Variants in NXPH4 observed in about 807,000 individuals in gnomAD.
NXPH4 encodes neurexophilin-4.
Under a neutral mutation model 21.3 loss-of-function variants are expected in NXPH4, and 8 were observed. The ratio of observed to expected loss-of-function variants is 0.38; its 90% CI spans 0.22 to 0.68. The LOEUF (loss-of-function observed/expected upper bound fraction) is 0.68, where lower values mean the gene tolerates loss of function less well. NXPH4 is among the 30% of genes least tolerant of loss of function. The pLI is 0.53. For missense variants in NXPH4, 418 were observed against 416.8 expected, an observed-to-expected ratio of 1.00 and a Z score of -0.03; for synonymous variants, 219 against 192.6, an observed-to-expected ratio of 1.14 and a Z score of -1.13.
At chr12:57,221,351 C>T (rs1201668587) in intron 1 of NXPH4, 1 of 455,824 alleles carries the variant, frequency 2.2e-6, no homozygotes, top group African/African-American at 2.0e-5. Context: ...CCTGGGAGCA[C>T]CCTGCCTGAC....
chr12:57,226,039 A>T lies in NXPH4; in HGVS notation c.*292A>T. The T allele has an allele frequency of 1.1e-6, 1 of 889,406 alleles. No homozygotes were observed. Among genetic ancestry groups the T allele is most frequent in the South Asian group, 2.3e-5 (1 of 43,170 alleles). 55.1% of individuals were successfully genotyped at this position (889,406 alleles called of 1,614,324 possible). Reference sequence around the variant, plus strand: ...CGGTCCCAATGTCCCCTGGGTCCACAGTGGGTCCCCTTTTCACCCTTGGCG... The same window carrying T: ...CGGTCCCAATGTCCCCTGGGTCCACTGTGGGTCCCCTTTTCACCCTTGGCG... On this transcript the variant is annotated 3_prime_UTR_variant, in exon 2 of 2. Transcript: ENST00000349394.
intron 1 of NXPH4, among the ~76,000 whole-genome samples, chr12:57,218,592 G>C (rs924848196): frequency 3.3e-5 from 5 of 152,246 alleles, no homozygotes; most frequent in Non-Finnish European, 7.3e-5. Context: ...TGCCCCCTGA[G>C]GGGGAATGAA....
At chr12:57,220,273 C>T (rs2136767980) in intron 1 of NXPH4, among the ~76,000 whole-genome samples, 1 of 152,220 alleles carries the variant, frequency 6.6e-6, no homozygotes, top group Admixed American at 6.5e-5. Flanking sequence ...ACCCCGCCCA[C>T]TCCCCCTCCG....
chr12:57,225,233 T>A lies in NXPH4; in HGVS notation c.413T>A (p.Val138Glu). 1 of 1,561,772 alleles carries A rather than the reference T, an allele frequency of 6.4e-7. No homozygotes were observed. Among genetic ancestry groups the A allele is most frequent in the East Asian group, 2.3e-5 (1 of 44,396 alleles). Residue 138 changes from valine to glutamate, a missense_variant, in exon 2 of 2, where the codon GTG (valine) becomes GAG (glutamate). Transcript: ENST00000349394. ...GACCATGTGAACGGTACCTTCAGTG[T>A]GTATTTCCGCCACAACTCGTCCAGC... ...IVDHVNGTFS[V>E]YFRHNSSSLG...
chr12:57,220,792 C>T (rs995372125), intron 1 of NXPH4, among the ~76,000 whole-genome samples: 1 of 152,156 alleles, frequency 6.6e-6, no homozygotes, highest in African/African-American at 2.4e-5. Context: ...ATTCCAGTCT[C>T]CCTTTGAGTC....
At chr12:57,222,870 A>G (rs1565763447) in intron 1 of NXPH4, among the ~76,000 whole-genome samples, 2 of 152,182 alleles carry the variant, frequency 1.3e-5, no homozygotes, top group East Asian at 1.9e-4. Context: ...AATATGTATG[A>G]CGAGCGGGTG....
intron 1 of NXPH4, among the ~76,000 whole-genome samples, chr12:57,224,060 GGGCTCTGGTCTCTGAGGTCCTGGA>G (rs1295971576): frequency 5.9e-5 from 9 of 152,178 alleles, no homozygotes; most frequent in Admixed American, 2.0e-4. Context: ...GCCCAGGTGG[GGGCTCTGGTCTCTGAGGTCCTGGA>G]GCCTCTTTCT....
intron 1 of NXPH4, among the ~76,000 whole-genome samples, chr12:57,218,414 G>GT (rs1229639176): frequency 1.3e-5 from 2 of 152,162 alleles, no homozygotes. Flanking sequence ...AACTGGAGGA[G>GT]TGGGGGGGGT....
rs755226727 is a variant in NXPH4, at chr12:57,217,040, G to A, written c.57+14G>A. The A allele has an allele frequency of 6.3e-7, 1 of 1,594,474 alleles. No individual in the cohort carries two copies. Among genetic ancestry groups the A allele is most frequent in the African/African-American group, 1.3e-5 (1 of 74,190 alleles). On this transcript the variant is annotated intron_variant, in intron 1 of 1. Coordinates refer to ENST00000349394, the MANE Select transcript of NXPH4 (RefSeq NM_007224.4). ...CTCCTTAGGAAGGTAAGAGTGGCAGGGCTGGGGCGCTAGCGCGGGCGCGGG... is the reference window on the plus strand; with the variant it reads ...CTCCTTAGGAAGGTAAGAGTGGCAGAGCTGGGGCGCTAGCGCGGGCGCGGG...
Position 57,226,038 on chromosome 12 carries a change from C to A in NXPH4, c.*291C>A. 1 of 888,090 alleles carries A rather than the reference C, an allele frequency of 1.1e-6. No individual in the cohort carries two copies. The highest frequency in any genetic ancestry group is 1.6e-6 in the Non-Finnish European group (1 of 621,564). The allele number at this position is 888,090 out of a possible 1,614,324, so 55.0% of individuals were successfully genotyped here. A position where few individuals can be genotyped will look rare whatever the true frequency, so the allele number is the denominator to read the frequency against. On this transcript the variant is annotated 3_prime_UTR_variant, in exon 2 of 2. Coordinates refer to ENST00000349394, the MANE Select transcript of NXPH4 (RefSeq NM_007224.4). ...GCGGTCCCAATGTCCCCTGGGTCCACAGTGGGTCCCCTTTTCACCCTTGGC... is the reference window on the plus strand; with the variant it reads ...GCGGTCCCAATGTCCCCTGGGTCCAAAGTGGGTCCCCTTTTCACCCTTGGC...
At chr12:57,218,896 A>G (rs181731154) in intron 1 of NXPH4, among the ~76,000 whole-genome samples, 70 of 151,678 alleles carry the variant, frequency 4.6e-4, no homozygotes, top group Non-Finnish European at 9.1e-4. Flanking sequence ...GCACATGTAT[A>G]CCCCGGGGTT....
At chr12:57,217,050 C>T (rs1276381855) in intron 1 of NXPH4, 24 bp downstream of exon 1, 1 of 1,580,672 alleles carries the variant, frequency 6.3e-7, no homozygotes, top group African/African-American at 1.4e-5. Flanking sequence ...GGCTGGGGCG[C>T]TAGCGCGGGC....
rs751812766 is a variant in NXPH4 at position 57,225,791 on chromosome 12, C to G, written c.*44C>G. ...CCTGAGCCTCCCGCCAAATCCCAGC[C>G]TCACTAGGTGGGACCCCCTTCCCAG... On this transcript the variant is annotated 3_prime_UTR_variant, in exon 2 of 2. Coordinates refer to ENST00000349394, the MANE Select transcript of NXPH4 (RefSeq NM_007224.4). 1 of 1,579,738 alleles carries G rather than the reference C, an allele frequency of 6.3e-7. No homozygotes were observed. The highest frequency in any genetic ancestry group is 8.6e-7 in the Non-Finnish European group (1 of 1,159,880).
intron 1 of NXPH4, among the ~76,000 whole-genome samples, chr12:57,217,610 A>C (rs2037053098): frequency 6.7e-6 from 1 of 149,746 alleles, no homozygotes; most frequent in African/African-American, 2.5e-5. Context: ...TCACAGACAC[A>C]CCCCCCTCTC....
chr12:57,225,042 G>A lies in NXPH4; in HGVS notation c.222G>A (p.Thr74=). Residue 74 remains threonine (T), a synonymous_variant, in exon 2 of 2, where the codon ACG becomes ACA. Coordinates refer to ENST00000349394, the MANE Select transcript of NXPH4 (RefSeq NM_007224.4). ...GCTGGGCCTGGCCGACCAACCACACGGGGGCGCTGGCCCGGGCAGGGGCAG... is the reference window on the plus strand; with the variant it reads ...GCTGGGCCTGGCCGACCAACCACACAGGGGCGCTGGCCCGGGCAGGGGCAG... The part of the protein sequence containing the change: ...AWSWAWPTNH[T]GALARAGAAG... The A allele has an allele frequency of 1.4e-6, 2 of 1,480,028 alleles. No individual in the cohort carries two copies. The highest frequency in any genetic ancestry group is 2.6e-5 in the South Asian group (2 of 75,788). The allele number at this position is 1,480,028 out of a possible 1,614,324, so 91.7% of individuals were successfully genotyped here.
At position 57,225,190 on chromosome 12, in the gene NXPH4, G is replaced by A. The variant is rs1460374358; in HGVS notation, c.370G>A (p.Val124Met). The A allele has an allele frequency of 6.3e-7, 1 of 1,590,868 alleles. No homozygotes were observed. Among genetic ancestry groups the A allele is most frequent in the East Asian group, 2.3e-5 (1 of 44,406 alleles). Residue 124 changes from valine (V) to methionine (M), a missense_variant, in exon 2 of 2, where the codon GTG (valine) becomes ATG (methionine). Val to Met is a conservative substitution (Grantham distance 21). Transcript: ENST00000349394. ...RVHTLKFSLL[V>M]TGKIVDHVNG... is the part of the protein sequence containing the mutation. ...GCATACCCTCAAGTTTTCGCTGCTG[G>A]TGACCGGCAAGATCGTGGACCATGT...
At position 57,225,333 on chromosome 12, in the gene NXPH4, T is replaced by A. The variant is rs2037131933; in HGVS notation, c.513T>A (p.Pro171=). The A allele has an allele frequency of 6.4e-7, 1 of 1,565,346 alleles. No individual in the cohort carries two copies. The highest frequency in any genetic ancestry group is 8.6e-7 in the Non-Finnish European group (1 of 1,157,882). The change falls in exon 2 of 2, where the codon CCT becomes CCA. Residue 171 remains proline, a synonymous_variant. Transcript: ENST00000349394. ...VEFGGVWLPG[P]VPHPLQSTLA... ...TCGGAGGAGTCTGGCTGCCCGGGCC[T>A]GTCCCCCACCCTCTGCAGTCTACGC...
Position 57,225,521 on chromosome 12 carries a change from A to G in NXPH4, c.701A>G (p.His234Arg), listed in dbSNP as rs1244076003. 6.2e-7 allele frequency: 1 copy of G among 1,612,478 alleles called. No individual in the cohort carries two copies. The highest frequency in any genetic ancestry group is 8.5e-7 in the Non-Finnish European group (1 of 1,179,886). ...GAKESRAFNC[H>R]VEYEKTNRAR... ...AAAGAGTCACGCGCTTTCAATTGCC[A>G]CGTGGAGTATGAGAAGACAAACCGC... Residue 234 changes from histidine (H) to arginine (R), a missense_variant, in exon 2 of 2, where the codon CAC becomes CGC. By Grantham distance (29) the His-to-Arg change is conservative. Transcript: ENST00000349394.
At position 57,225,396 on chromosome 12, in the gene NXPH4, G is replaced by A. The variant is rs1205269715; in HGVS notation, c.576G>A (p.Pro192=). The A allele has an allele frequency of 6.3e-7, 1 of 1,598,868 alleles. No individual in the cohort carries two copies. The highest frequency in any genetic ancestry group is 1.4e-5 in the African/African-American group (1 of 73,980). ...GGGTGCTTCCTGGGCTGGGGCCCCCGCTGGGGATGGCAGCAGCAGCGGCGG... is the reference window on the plus strand; with the variant it reads ...GGGTGCTTCCTGGGCTGGGGCCCCCACTGGGGATGGCAGCAGCAGCGGCGG... ...LEGVLPGLGP[P]LGMAAAAAGP... Residue 192 remains proline, a synonymous_variant, in exon 2 of 2, where the codon CCG becomes CCA. Coordinates refer to ENST00000349394, the MANE Select transcript of NXPH4 (RefSeq NM_007224.4).
Sources: gnomAD v4.1 joint callset for allele counts (sites outside exome capture counted in the v4.1 genomes callset) on GRCh38, gnomAD v4.1.1 for gene constraint, MANE v1.5 for transcripts, NCBI Gene and HGNC (gene_info 2026-07-23, HGNC 2026-07-21) for gene names.